PARP11: variants seen among roughly 807,000 people sequenced by gnomAD.
The protein encoded by PARP11 is protein mono-ADP-ribosyltransferase PARP11.
Under a neutral mutation model 42.9 loss-of-function variants are expected in PARP11, and 31 were observed. That is an observed-to-expected ratio of 0.72 (90% CI 0.54 to 0.98). PARP11 has a LOEUF of 0.98. Among genes scored for constraint, PARP11 ranks in the 50% least tolerant of loss-of-function variants. The probability of loss-of-function intolerance (pLI) is 0.00; values close to 1 mark genes in which losing one functional copy is unlikely to be tolerated. For missense variants in PARP11, 365 were observed against 413.1 expected, an observed-to-expected ratio of 0.88 and a Z score of 1.01; for synonymous variants, 137 against 127.3, an observed-to-expected ratio of 1.08 and a Z score of -0.51.
chr12:3,864,888 T>C (rs1198866013), intron 1 of PARP11, among the ~76,000 whole-genome samples: 1 of 152,200 alleles, frequency 6.6e-6, no homozygotes, highest in Non-Finnish European at 1.5e-5. Context: ...TTGTTTTCTG[T>C]TGTAGTGATT....
At position 3,810,680 on chromosome 12, in the gene PARP11, A is replaced by G. The variant is rs1481819380; in HGVS notation, c.*1443T>C. 2 of 146,092 alleles carry G rather than the reference A, an allele frequency of 1.4e-5. No homozygotes were observed. The highest frequency in any genetic ancestry group is 5.2e-5 in the African/African-American group (2 of 38,112). 9.0% of individuals were successfully genotyped at this position (146,092 alleles called of 1,614,324 possible). Reference sequence around the variant, plus strand: ...GAAGGAAGGAAGGAAGGAAGGAAGGAAGGAAAGAAAGAAGGAAGGAAGAGA... The same window carrying G: ...GAAGGAAGGAAGGAAGGAAGGAAGGGAGGAAAGAAAGAAGGAAGGAAGAGA... On this transcript the variant is annotated 3_prime_UTR_variant, in exon 8 of 8. Coordinates refer to ENST00000228820, the MANE Select transcript of PARP11 (RefSeq NM_020367.6).
At chr12:3,839,971 A>G in intron 1 of PARP11, 1 of 1,433,332 alleles carries the variant, frequency 7.0e-7, no homozygotes, top group Middle Eastern at 1.7e-4. Context: ...GAATGGATTT[A>G]AACCTTTGTC....
chr12:3,848,970 A>C lies in PARP11; in HGVS notation c.19-18952T>G, dbSNP rs145138411. On this transcript the variant is annotated intron_variant, in intron 1 of 7. Transcript: ENST00000228820. Reference sequence around the variant, plus strand: ...CAATTCAACAGCAAAAGAAAAAAAAAAACACAAATAATCCAATTTAAAAAT... The same window carrying C: ...CAATTCAACAGCAAAAGAAAAAAAACAACACAAATAATCCAATTTAAAAAT... Among the ~76,000 whole-genome samples the C allele has an allele frequency of 6.1e-4, 93 of 152,184 alleles. No individual in the cohort carries two copies. In the East Asian group the frequency reaches 0.017, roughly 28 times the overall value.
chr12:3,840,592 C>A lies in PARP11; in HGVS notation c.19-10574G>T. 7.0e-7 allele frequency: 1 copy of A among 1,421,462 alleles called. No individual in the cohort carries two copies. The highest frequency in any genetic ancestry group is 2.3e-5 in the East Asian group (1 of 43,930). 88.1% of individuals were successfully genotyped at this position (1,421,462 alleles called of 1,614,324 possible). ...TCGTGAAAGAGTTGAGGATTCTGAT[C>A]ACACAAGTCGAGAATCTAACTATTG... On this transcript the variant is annotated intron_variant, in intron 1 of 7. Coordinates refer to ENST00000228820, the MANE Select transcript of PARP11 (RefSeq NM_020367.6). The surrounding 1 kb of genome is among the most constrained non-coding windows in gnomAD (Gnocchi z 4.4).
At chr12:3,823,155 TTAC>T (rs1947437730) in intron 4 of PARP11, among the ~76,000 whole-genome samples, 2 of 152,228 alleles carry the variant, frequency 1.3e-5, no homozygotes, top group Admixed American at 1.3e-4. Flanking sequence ...GATCTTTAGT[TTAC>T]TTTTTTCAAA....
chr12:3,830,686 A>G (rs1263607457), intron 1 of PARP11, among the ~76,000 whole-genome samples: 1 of 152,160 alleles, frequency 6.6e-6, no homozygotes, highest in Admixed American at 6.6e-5. Context: ...CGTGCCAGCT[A>G]CTGTTCTAAG....
At chr12:3,841,105 C>T in intron 1 of PARP11, 2 of 1,610,074 alleles carry the variant, frequency 1.2e-6, no homozygotes, top group Admixed American at 1.7e-5. Context: ...TGTGTCAATA[C>T]AGGCAGTTAA....
At chr12:3,841,019 G>A (rs950241056) in intron 1 of PARP11, 8 of 1,582,528 alleles carry the variant, frequency 5.1e-6, no homozygotes, top group Non-Finnish European at 6.1e-6. Context: ...ATTCCTGGTC[G>A]GTCAGTGACA....
At chr12:3,817,190 C>CA (rs36072906) in intron 6 of PARP11, among the ~76,000 whole-genome samples, 54,153 of 145,972 alleles carry the variant, frequency 0.37, 11,270 homozygotes, top group East Asian at 0.69. Flanking sequence ...GATTCTGTCT[C>CA]AAAAAAAAAA....
intron 2 of PARP11, 143 bp downstream of exon 2, chr12:3,829,747 T>C: frequency 1.3e-6 from 1 of 795,244 alleles, no homozygotes; most frequent in Non-Finnish European, 2.0e-6. Context: ...CTGGAAGAAT[T>C]TCTAACTTTT....
chr12:3,873,310 G>A lies in PARP11; in HGVS notation c.-81C>T. 7.4e-7 allele frequency: 1 copy of A among 1,345,690 alleles called. No individual in the cohort carries two copies. Among genetic ancestry groups the A allele is most frequent in the East Asian group, 2.5e-5 (1 of 39,948 alleles). 83.4% of individuals were successfully genotyped at this position (1,345,690 alleles called of 1,614,324 possible). A position where few individuals can be genotyped will look rare whatever the true frequency, so the allele number is the denominator to read the frequency against. ...TGGGTGTTGGATTTTTTTTTTTCCC[G>A]CGGGTCCCCGGGAGCGAAGGGACGG... On this transcript the variant is annotated 5_prime_UTR_variant, in exon 1 of 8. Coordinates refer to ENST00000228820, the MANE Select transcript of PARP11 (RefSeq NM_020367.6).
At position 3,829,958 on chromosome 12, in the gene PARP11, T is replaced by C. The variant is rs766107782; in HGVS notation, c.79A>G (p.Met27Val). The change falls in exon 2 of 8, where the codon ATG becomes GTG. Residue 27 changes from methionine to valine, a missense_variant. Coordinates refer to ENST00000228820, the MANE Select transcript of PARP11 (RefSeq NM_020367.6). ...SKTTNNEVDDMDTSDTQWGWF... is the reference protein window; with the variant it reads ...SKTTNNEVDDVDTSDTQWGWF... ...CCCCACTGGGTATCTGACGTGTCCATGTCATCCACTTCATTGTTTGTTGTT... is the reference window on the plus strand; with the variant it reads ...CCCCACTGGGTATCTGACGTGTCCACGTCATCCACTTCATTGTTTGTTGTT... 12 of 1,613,382 alleles carry C rather than the reference T, an allele frequency of 7.4e-6. No individual in the cohort carries two copies. The highest frequency in any genetic ancestry group is 3.3e-5 in the Admixed American group (2 of 60,008).
chr12:3,822,610 A>T (rs903879118), intron 4 of PARP11, among the ~76,000 whole-genome samples: 4 of 151,934 alleles, frequency 2.6e-5, no homozygotes, highest in African/African-American at 9.7e-5. Context: ...AAAAAAAAAA[A>T]AAAAAAATTA....
chr12:3,857,131 G>T (rs1205702905), intron 1 of PARP11, among the ~76,000 whole-genome samples: 1 of 151,524 alleles, frequency 6.6e-6, no homozygotes, highest in African/African-American at 2.4e-5. Flanking sequence ...CTGTCGGGGG[G>T]TGGGGGGCTG....
At chr12:3,812,947 C>T (rs1235823283) in intron 7 of PARP11, among the ~76,000 whole-genome samples, 8 of 150,932 alleles carry the variant, frequency 5.3e-5, no homozygotes, top group African/African-American at 7.3e-5. Context: ...GGATTACAGG[C>T]GCGTGCCACC....
chr12:3,821,620 C>T (rs1947393591), intron 6 of PARP11, among the ~76,000 whole-genome samples: 1 of 152,194 alleles, frequency 6.6e-6, no homozygotes, highest in African/African-American at 2.4e-5. Flanking sequence ...CTCTGTAATG[C>T]TGATTTCAGC....
At chr12:3,865,423 C>A (rs1948374464) in intron 1 of PARP11, among the ~76,000 whole-genome samples, 1 of 152,146 alleles carries the variant, frequency 6.6e-6, no homozygotes, top group African/African-American at 2.4e-5. Context: ...CATTTTCTAT[C>A]TGCTCATTCC....
At chr12:3,838,628 G>A (rs1182008388) in intron 1 of PARP11, among the ~76,000 whole-genome samples, 1 of 152,096 alleles carries the variant, frequency 6.6e-6, no homozygotes, top group Admixed American at 6.5e-5. Context: ...ATAAAATTGA[G>A]ACTTAAAAAG....
intron 1 of PARP11, chr12:3,839,590 C>G: frequency 7.9e-7 from 1 of 1,272,394 alleles, no homozygotes; most frequent in Non-Finnish European, 1.2e-6. Flanking sequence ...CTTGGAAAAT[C>G]CACAGGAATG....
Sources: gnomAD v4.1 joint callset for allele counts (sites outside exome capture counted in the v4.1 genomes callset) on GRCh38, gnomAD v4.1.1 for gene constraint, Gnocchi (gnomAD v3.1) non-coding constraint, MANE v1.5 for transcripts, NCBI Gene and HGNC (gene_info 2026-07-23, HGNC 2026-07-21) for gene names.